The following CCKBR variants were observed in gnomAD, a reference collection of about 807,000 sequenced individuals.
The protein encoded by CCKBR is cholecystokinin B receptor.
A neutral mutation model predicts 34.6 loss-of-function variants in CCKBR; 33 were observed. The ratio of observed to expected loss-of-function variants is 0.95; its 90% CI spans 0.72 to 1.27. The LOEUF (loss-of-function observed/expected upper bound fraction) is 1.27, where lower values mean the gene tolerates loss of function less well. CCKBR is among the 50% of genes most tolerant of loss of function. The pLI, the probability that CCKBR is intolerant of heterozygous loss-of-function variation, is 0.00. For synonymous variants in CCKBR, 269 were observed against 267.5 expected (o/e 1.01, Z -0.06); for missense variants, 652 against 617.4 (o/e 1.06, Z -0.59).
chr11:6,266,437 CA>C (rs1335594526), intron 1 of CCKBR, among the ~76,000 whole-genome samples: 5 of 152,088 alleles, frequency 3.3e-5, no homozygotes, highest in African/African-American at 1.2e-4. Context: ...TGCGGTGAGC[CA>C]AGATCATGCC....
At chr11:6,270,611 C>A in intron 3 of CCKBR, 35 bp from the exon 4 acceptor site, 2 of 1,561,496 alleles carry the variant, frequency 1.3e-6, no homozygotes, top group Non-Finnish European at 1.7e-6. Flanking sequence ...TACAGCTGGA[C>A]AGAAACCCGA....
In CCKBR at chr11:6,269,684, T is replaced by C; in HGVS notation, c.167T>C (p.Ile56Thr). The C allele has an allele frequency of 6.2e-7, 1 of 1,613,740 alleles. No individual in the cohort carries two copies. The highest frequency in any genetic ancestry group is 2.2e-5 in the East Asian group (1 of 44,874). The change falls in exon 2 of 5, where the codon ATT becomes ACT. Residue 56 changes from isoleucine to threonine, a missense_variant. By Grantham distance (89) the Ile-to-Thr change is moderately conservative. Coordinates refer to ENST00000334619, the MANE Select transcript of CCKBR (RefSeq NM_176875.4). The stretch of plus-strand genomic sequence containing the variant: ...TCTTACCCAGAATTGGAGCTGGCCA[T>C]TAGAATCACTCTTTACGCAGTGATC... ...GAGTRELELA[I>T]RITLYAVIFL...
intron 1 of CCKBR, among the ~76,000 whole-genome samples, chr11:6,261,431 T>G (rs1402688121): frequency 2.2e-5 from 1 of 45,344 alleles, no homozygotes; most frequent in Non-Finnish European, 4.2e-5. Context: ...AGCTTCCTGT[T>G]GGCAAAAAAA....
intron 1 of CCKBR, among the ~76,000 whole-genome samples, chr11:6,266,365 T>C (rs1848209261): frequency 1.3e-5 from 2 of 152,142 alleles, no homozygotes; most frequent in South Asian, 4.1e-4. Context: ...GGTGCATGCC[T>C]GTAATTCTAG....
chr11:6,269,146 AAGTATTTTTTTTTTT>A (rs1848252303), intron 1 of CCKBR, among the ~76,000 whole-genome samples: 1 of 143,084 alleles, frequency 7.0e-6, no homozygotes, highest in African/African-American at 2.6e-5. Context: ...AGAGTAAGTG[AAGTATTTTTTTTTTT>A]TTTTTTTTTG....
In CCKBR at chr11:6,271,261, G is replaced by T. The variant is rs200097559; in HGVS notation, c.1062G>T (p.Thr354=). Residue 354 remains threonine (T), a synonymous_variant, in exon 5 of 5, where the codon ACG becomes ACT. Coordinates refer to ENST00000334619, the MANE Select transcript of CCKBR (RefSeq NM_176875.4). The part of the protein sequence containing the change: ...LCWLPVYSAN[T]WRAFDGPGAH... ...GGTTGCCAGTTTATAGTGCCAACAC[G>T]TGGCGCGCCTTTGATGGCCCGGGTG... The T allele has an allele frequency of 8.7e-6, 14 of 1,614,192 alleles. No individual in the cohort carries two copies. Among genetic ancestry groups the T allele is most frequent in the Non-Finnish European group, 1.2e-5 (14 of 1,180,016 alleles).
Position 6,271,559 on chromosome 11 carries a change from T to C in CCKBR, c.*16T>C. 3.2e-6 allele frequency: 5 copies of C among 1,565,734 alleles called. No homozygotes were observed. Among genetic ancestry groups the C allele is most frequent in the Non-Finnish European group, 4.3e-6 (5 of 1,157,906 alleles). On this transcript the variant is annotated 3_prime_UTR_variant, in exon 5 of 5. Transcript: ENST00000334619. ...CCCTGGCTGAGGAGTAGAGGGGCCG[T>C]GGGGGTTGAGGCAGGGCAAATGACA...
rs60678871 is a variant in CCKBR at position 6,261,462 on chromosome 11, TACAC to T, written c.151+1417_151+1420del. On this transcript the variant is annotated intron_variant, in intron 1 of 4. Coordinates refer to ENST00000334619, the MANE Select transcript of CCKBR (RefSeq NM_176875.4). ...AAAAAAAAAAAAAAAAAAATATATA[TACAC>T]ACACACACACACACACACACACACA... 5.3e-4 allele frequency among the ~76,000 whole-genome samples: 34 copies of T among 64,004 alleles called. 1 individual carries two copies. The highest frequency in any genetic ancestry group is 9.6e-4 in the African/African-American group (16 of 16,680). The allele number at this position is 64,004 out of a possible 152,430, so 42.0% of individuals were successfully genotyped here.
chr11:6,263,892 C>T (rs1848172011), intron 1 of CCKBR, among the ~76,000 whole-genome samples: 1 of 152,196 alleles, frequency 6.6e-6, no homozygotes, highest in Non-Finnish European at 1.5e-5. Context: ...TTTGGATATT[C>T]CACTACTCAC....
At chr11:6,270,485 G>C (rs1400792451) in intron 3 of CCKBR, 148 bp downstream of exon 3, 22 of 1,397,658 alleles carry the variant, frequency 1.6e-5, no homozygotes, top group Non-Finnish European at 2.1e-5. Flanking sequence ...TCCAGTTTGG[G>C]GCCCCTCCCC....
chr11:6,261,879 G>T (rs536135258), intron 1 of CCKBR, among the ~76,000 whole-genome samples: 2 of 152,340 alleles, frequency 1.3e-5, no homozygotes, highest in Admixed American at 6.5e-5. Flanking sequence ...CTGGGTGAAA[G>T]ATGATGCTAG....
At chr11:6,267,748 C>A (rs190069042) in intron 1 of CCKBR, among the ~76,000 whole-genome samples, 162 of 152,220 alleles carry the variant, frequency 1.1e-3, no homozygotes, top group African/African-American at 3.7e-3. Flanking sequence ...ATACCAGTAT[C>A]CCCACAAACA....
intron 1 of CCKBR, among the ~76,000 whole-genome samples, chr11:6,269,334 T>C (rs1380741985): frequency 6.6e-6 from 1 of 152,042 alleles, no homozygotes; most frequent in African/African-American, 2.4e-5. Context: ...TATGCACTGA[T>C]AGGGCACAGA....
In CCKBR at chr11:6,270,307, G is replaced by A. The variant is rs775117809; in HGVS notation, c.623G>A (p.Arg208His). ...VGPRVLQCVHRWPSARVRQTW... is the reference protein window; with the variant it reads ...VGPRVLQCVHHWPSARVRQTW... ...CCTCGTGTGCTGCAGTGCGTGCATC[G>A]CTGGCCCAGTGCGCGGGTCCGCCAG... Residue 208 changes from arginine (R) to histidine (H), a missense_variant, in exon 3 of 5, where the codon CGC (arginine) becomes CAC (histidine). Arg to His is a conservative substitution (Grantham distance 29, BLOSUM62 0). Transcript: ENST00000334619. The A allele has an allele frequency of 1.1e-5, 18 of 1,613,056 alleles. No homozygotes were observed. The highest frequency in any genetic ancestry group is 2.2e-5 in the East Asian group (1 of 44,878).
Position 6,269,664 on chromosome 11 carries a change from C to A in CCKBR, c.152-5C>A. ...CTACTGCCACCTCTCCCTTTTCTTA[C>A]CCAGAATTGGAGCTGGCCATTAGAA... On this transcript the variant is annotated splice_polypyrimidine_tract_variant and splice_region_variant and intron_variant, in intron 1 of 4. Transcript: ENST00000334619. The A allele has an allele frequency of 6.2e-7, 1 of 1,611,760 alleles. No individual in the cohort carries two copies. Among genetic ancestry groups the A allele is most frequent in the Non-Finnish European group, 8.5e-7 (1 of 1,179,318 alleles).
intron 1 of CCKBR, among the ~76,000 whole-genome samples, chr11:6,261,238 A>G (rs2941025): frequency 0.76 from 114,367 of 151,138 alleles, 44,021 homozygotes; most frequent in East Asian, 0.96. Context: ...ACAGAGCTCA[A>G]AGTTTAATGG....
intron 1 of CCKBR, among the ~76,000 whole-genome samples, chr11:6,268,714 T>C (rs945993987): frequency 1.3e-5 from 2 of 151,954 alleles, no homozygotes; most frequent in African/African-American, 4.8e-5. Flanking sequence ...GTTTATAGAG[T>C]GAGAATGAAT....
chr11:6,262,149 T>C (rs983616829), intron 1 of CCKBR, among the ~76,000 whole-genome samples: 5 of 152,186 alleles, frequency 3.3e-5, no homozygotes, highest in Non-Finnish European at 7.3e-5. Context: ...TAAATGTTAG[T>C]GGGGCATCCA....
chr11:6,269,968 A>G (rs1848268730), intron 2 of CCKBR, 48 bp downstream of exon 2: 1 of 1,609,098 alleles, frequency 6.2e-7, no homozygotes. Flanking sequence ...TCCCCGCCTA[A>G]AGCTCTTGTG....
Sources: gnomAD v4.1 joint callset for allele counts (sites outside exome capture counted in the v4.1 genomes callset) on GRCh38, gnomAD v4.1.1 for gene constraint, MANE v1.5 for transcripts, NCBI Gene and HGNC (gene_info 2026-07-23, HGNC 2026-07-21) for gene names.